RBFOX1: variants seen among roughly 807,000 people sequenced by gnomAD.
RBFOX1 encodes RNA binding fox-1 homolog 1.
Under a neutral mutation model 57.7 loss-of-function variants are expected in RBFOX1, and 8 were observed. The observed-to-expected ratio is 0.14, with a 90% CI of 0.08 to 0.25. RBFOX1 has a LOEUF of 0.25. RBFOX1 is among the 10% of genes least tolerant of loss of function. RBFOX1 has a pLI of 1.00. For missense variants in RBFOX1, 611 were observed against 548.5 expected, an observed-to-expected ratio of 1.11 and a Z score of -1.14; for synonymous variants, 326 against 222.4, an observed-to-expected ratio of 1.47 and a Z score of -4.15.
intron 4 of RBFOX1, among the ~76,000 whole-genome samples, chr16:7,092,145 C>A (rs1039529928): frequency 2.0e-5 from 3 of 152,102 alleles, no homozygotes; most frequent in Non-Finnish European, 4.4e-5. Flanking sequence ...GCACACACAC[C>A]CTTCTTTTCT....
chr16:7,695,962 C>A (rs149447973), intron 14 of RBFOX1, among the ~76,000 whole-genome samples: 38 of 152,216 alleles, frequency 2.5e-4, no homozygotes, highest in African/African-American at 8.9e-4. Context: ...TCAGGGGCTT[C>A]GGGTGGAGAT....
intron 2 of RBFOX1, among the ~76,000 whole-genome samples, chr16:5,596,961 A>T (rs2047202781): frequency 6.6e-6 from 1 of 152,188 alleles, no homozygotes; most frequent in Admixed American, 6.5e-5. Flanking sequence ...GGGAACAAAC[A>T]CATTTTTGAT....
At chr16:7,067,799 C>T (rs2056449607) in intron 4 of RBFOX1, among the ~76,000 whole-genome samples, 1 of 148,956 alleles carries the variant, frequency 6.7e-6, no homozygotes, top group Non-Finnish European at 1.5e-5. Context: ...GATTTTTTGT[C>T]CTTGCGATAG....
At chr16:5,276,296 T>A (rs1373137866) in intron 1 of RBFOX1, among the ~76,000 whole-genome samples, 1 of 152,082 alleles carries the variant, frequency 6.6e-6, no homozygotes, top group Non-Finnish European at 1.5e-5. Context: ...GACAAAGGAC[T>A]AATGTCCAGA....
intron 1 of RBFOX1, among the ~76,000 whole-genome samples, chr16:5,263,125 G>A (rs544041298): frequency 6.6e-6 from 1 of 152,050 alleles, no homozygotes. Context: ...ATTCTAATTG[G>A]GCTTCTGCTA....
intron 2 of RBFOX1, among the ~76,000 whole-genome samples, chr16:6,535,830 C>A (rs1015909057): frequency 6.6e-6 from 1 of 152,114 alleles, no homozygotes; most frequent in Non-Finnish European, 1.5e-5. Flanking sequence ...TCAGTTTCTC[C>A]CTCTCTGTTC....
At chr16:5,662,776 G>A (rs2049699433) in intron 3 of RBFOX1, among the ~76,000 whole-genome samples, 2 of 152,178 alleles carry the variant, frequency 1.3e-5, no homozygotes, top group African/African-American at 2.4e-5. Context: ...GAAGACAATC[G>A]GGTTCACTGT....
At chr16:6,911,133 G>A (rs911280213) in intron 3 of RBFOX1, among the ~76,000 whole-genome samples, 1 of 151,786 alleles carries the variant, frequency 6.6e-6, no homozygotes, top group South Asian at 2.1e-4. Context: ...CCTGGGAAGT[G>A]GAAGTTGGAG....
chr16:5,525,766 G>T (rs2044221131), intron 2 of RBFOX1, among the ~76,000 whole-genome samples: 1 of 152,016 alleles, frequency 6.6e-6, no homozygotes, highest in Non-Finnish European at 1.5e-5. Context: ...CCAAAGTGCT[G>T]GGAATACAGG....
intron 1 of RBFOX1, among the ~76,000 whole-genome samples, chr16:6,112,672 C>G (rs1227399589): frequency 7.0e-6 from 1 of 143,034 alleles, no homozygotes; most frequent in Admixed American, 6.7e-5. Context: ...GCCTGGGCAA[C>G]AAGAGCAAAA....
At chr16:7,215,696 T>G (rs1347358616) in intron 4 of RBFOX1, among the ~76,000 whole-genome samples, 2 of 151,894 alleles carry the variant, frequency 1.3e-5, no homozygotes, top group African/African-American at 4.8e-5. Flanking sequence ...CTAATCTATT[T>G]TCTATCTCTA....
At chr16:5,952,095 A>G (rs1044544832) in intron 4 of RBFOX1, among the ~76,000 whole-genome samples, 9 of 150,478 alleles carry the variant, frequency 6.0e-5, no homozygotes, top group African/African-American at 2.2e-4. Flanking sequence ...ATGCATATAT[A>G]TATATACACA....
At chr16:6,298,001 G>C (rs1392411064) in intron 1 of RBFOX1, among the ~76,000 whole-genome samples, 1 of 152,208 alleles carries the variant, frequency 6.6e-6, no homozygotes, top group East Asian at 1.9e-4. Flanking sequence ...CTGGAGAAGA[G>C]CTCAGGATGC....
At chr16:7,432,580 C>T (rs182981508) in intron 4 of RBFOX1, among the ~76,000 whole-genome samples, 1 of 152,306 alleles carries the variant, frequency 6.6e-6, no homozygotes, top group Non-Finnish European at 1.5e-5. Context: ...GCCATCTGGT[C>T]TCTGTCACAA....
chr16:6,209,936 G>C (rs1422704540), intron 1 of RBFOX1, among the ~76,000 whole-genome samples: 1 of 152,076 alleles, frequency 6.6e-6, no homozygotes, highest in Non-Finnish European at 1.5e-5. Flanking sequence ...ACAAGAGCTT[G>C]TATTTCTGTC....
At chr16:6,527,165 AG>A (rs1263109332) in intron 2 of RBFOX1, among the ~76,000 whole-genome samples, 5 of 152,230 alleles carry the variant, frequency 3.3e-5, no homozygotes, top group African/African-American at 7.2e-5. Context: ...AAATATAAAA[AG>A]GGATATAGGG....
intron 1 of RBFOX1, chr16:5,365,780 T>C: frequency 2.0e-6 from 1 of 504,014 alleles, no homozygotes; most frequent in Admixed American, 2.0e-5. Flanking sequence ...CCCACCTAAG[T>C]GCATGCTGCC....
intron 3 of RBFOX1, among the ~76,000 whole-genome samples, chr16:6,990,455 T>A (rs970377774): frequency 6.6e-6 from 1 of 151,778 alleles, no homozygotes; most frequent in African/African-American, 2.4e-5. Flanking sequence ...AACCTGGGAG[T>A]TGGAGTTTGC....
intron 3 of RBFOX1, among the ~76,000 whole-genome samples, chr16:6,699,298 AC>A (rs1437399032): frequency 7.2e-6 from 1 of 139,620 alleles, no homozygotes; most frequent in Non-Finnish European, 1.5e-5. Context: ...TCCCTATGTT[AC>A]TTTTTTTTTT....
Sources: allele counts gnomAD v4.1 joint callset (sites outside exome capture counted in the v4.1 genomes callset), GRCh38; gene constraint gnomAD v4.1.1; transcripts MANE v1.5; gene names NCBI Gene and HGNC (gene_info 2026-07-23, HGNC 2026-07-21).